DACH2: variants seen among roughly 807,000 people sequenced by gnomAD.
The protein encoded by DACH2 is dachshund family transcription factor 2.
Under a neutral mutation model 35.8 loss-of-function variants are expected in DACH2, and 17 were observed. The ratio of observed to expected loss-of-function variants is 0.48; its 90% CI spans 0.33 to 0.71. The LOEUF is 0.71. Among genes scored for constraint, DACH2 ranks in the 30% least tolerant of loss-of-function variants. The pLI is 0.02. For synonymous variants in DACH2, 195 were observed against 177.3 expected (o/e 1.10, Z -0.79); for missense variants, 469 against 472.7 (o/e 0.99, Z 0.07).
chrX:86,681,864 A>G (rs898121376), intron 4 of DACH2, among the ~76,000 whole-genome samples: 1 of 109,483 alleles, frequency 9.1e-6, no homozygotes, highest in Non-Finnish European at 1.9e-5. Context: ...TGTATGTTCT[A>G]TCCTTCTTTT....
chrX:86,442,645 C>G (rs2037188289), intron 2 of DACH2, among the ~76,000 whole-genome samples: 2 of 36,006 alleles, frequency 5.6e-5, no homozygotes, highest in Admixed American at 8.5e-4. Flanking sequence ...CATGAAGCAT[C>G]TCCCCAAGTT....
At chrX:86,418,216 T>G (rs753154019) in intron 2 of DACH2, among the ~76,000 whole-genome samples, 1 of 111,629 alleles carries the variant, frequency 9.0e-6, no homozygotes, top group East Asian at 2.9e-4. Context: ...AGGCGCACAA[T>G]GTAAGCTGTC....
chrX:86,338,920 A>G (rs1284334107), intron 1 of DACH2, among the ~76,000 whole-genome samples: 1 of 112,438 alleles, frequency 8.9e-6, no homozygotes, highest in Non-Finnish European at 1.9e-5. Flanking sequence ...AACTACCATC[A>G]GAGAATACTG....
At chrX:86,408,899 A>G (rs890764482) in intron 2 of DACH2, among the ~76,000 whole-genome samples, 1 of 111,706 alleles carries the variant, frequency 9.0e-6, no homozygotes, top group Admixed American at 9.5e-5. Flanking sequence ...TCAATGAATA[A>G]CTGTAAGGTA....
chrX:86,691,176 C>G (rs758055378), intron 4 of DACH2, among the ~76,000 whole-genome samples: 1 of 111,454 alleles, frequency 9.0e-6, no homozygotes, highest in Non-Finnish European at 1.9e-5. Flanking sequence ...AATTCCCTCA[C>G]AAAGCTAGTA....
At chrX:86,174,542 A>G (rs992164476) in intron 1 of DACH2, among the ~76,000 whole-genome samples, 21 of 112,192 alleles carry the variant, frequency 1.9e-4, no homozygotes, top group Non-Finnish European at 3.8e-4. Context: ...ATGGTCAGCA[A>G]ACATTTGTAG....
chrX:86,466,803 C>T (rs754844739), intron 2 of DACH2, among the ~76,000 whole-genome samples: 5 of 111,373 alleles, frequency 4.5e-5, no homozygotes, highest in African/African-American at 1.3e-4. Context: ...AGCTGCCAAG[C>T]CTTGAGGCTT....
chrX:86,341,486 C>A (rs1200661927), intron 1 of DACH2, among the ~76,000 whole-genome samples: 1 of 112,138 alleles, frequency 8.9e-6, no homozygotes, highest in East Asian at 2.8e-4. Flanking sequence ...TGTTCATTGA[C>A]AAAGCATCTG....
At chrX:86,778,801 G>A (rs1476601561) in intron 7 of DACH2, among the ~76,000 whole-genome samples, 1 of 110,856 alleles carries the variant, frequency 9.0e-6, no homozygotes, top group African/African-American at 3.3e-5. Context: ...AGTAGAGACG[G>A]GGTTTCACCA....
intron 3 of DACH2, among the ~76,000 whole-genome samples, chrX:86,623,219 A>G (rs763105620): frequency 8.9e-6 from 1 of 112,355 alleles, no homozygotes; most frequent in Non-Finnish European, 1.9e-5. Flanking sequence ...CCATATTTAT[A>G]AGCATACATA....
chrX:86,289,757 T>C (rs1602361983), intron 1 of DACH2, among the ~76,000 whole-genome samples: 1 of 109,783 alleles, frequency 9.1e-6, no homozygotes. Context: ...GAACTCATCA[T>C]TTTTTATGGC....
At chrX:86,262,403 C>T (rs917305091) in intron 1 of DACH2, among the ~76,000 whole-genome samples, 6 of 112,071 alleles carry the variant, frequency 5.4e-5, no homozygotes, top group African/African-American at 1.9e-4. Context: ...GAATCAATTG[C>T]ATTTCCATTT....
chrX:86,780,465 G>T lies in DACH2; in HGVS notation c.1241-32391G>T, dbSNP rs529880803. ...AATAAAAATATACAAGAGATGAAAT[G>T]CAAAATAGCCGTTTTAAGAAGGAAC... On this transcript the variant is annotated intron_variant, in intron 7 of 11. Transcript: ENST00000373125. Among the ~76,000 whole-genome samples, 7 of 112,038 alleles carry T rather than the reference G, an allele frequency of 6.2e-5. No individual in the cohort carries two copies. In the South Asian group the frequency reaches 2.2e-3, roughly 36 times the overall value.
intron 7 of DACH2, among the ~76,000 whole-genome samples, chrX:86,780,672 G>T (rs1454187578): frequency 9.0e-6 from 1 of 111,607 alleles, no homozygotes; most frequent in Non-Finnish European, 1.9e-5. Context: ...CTGTTCTCCA[G>T]ATTTCTGTTT....
intron 1 of DACH2, among the ~76,000 whole-genome samples, chrX:86,330,297 A>T (rs2035189092): frequency 8.9e-6 from 1 of 112,197 alleles, no homozygotes; most frequent in Non-Finnish European, 1.9e-5. Context: ...ATTAACTTAG[A>T]ATCATAAGGC....
At chrX:86,658,391 T>C (rs1239595753) in intron 4 of DACH2, among the ~76,000 whole-genome samples, 1 of 111,575 alleles carries the variant, frequency 9.0e-6, no homozygotes, top group Non-Finnish European at 1.9e-5. Context: ...TCAGTATCAT[T>C]AAGCTTTAAA....
chrX:86,256,567 A>C (rs1254232821), intron 1 of DACH2, among the ~76,000 whole-genome samples: 2 of 111,695 alleles, frequency 1.8e-5, no homozygotes, highest in Admixed American at 1.9e-4. Flanking sequence ...AACATACTGC[A>C]TCTGACTGAA....
intron 1 of DACH2, among the ~76,000 whole-genome samples, chrX:86,324,185 A>T (rs769659551): frequency 8.9e-6 from 1 of 111,939 alleles, no homozygotes; most frequent in East Asian, 2.8e-4. Flanking sequence ...TACACTGTCT[A>T]TCCAAATAAT....
At chrX:86,196,597 G>A (rs1430018579) in intron 1 of DACH2, among the ~76,000 whole-genome samples, 6 of 101,221 alleles carry the variant, frequency 5.9e-5, no homozygotes, top group Non-Finnish European at 1.2e-4. Context: ...GGAGGCTGAC[G>A]CAGGAGAATG....
Sources: allele counts gnomAD v4.1 joint callset (sites outside exome capture counted in the v4.1 genomes callset), GRCh38; gene constraint gnomAD v4.1.1; transcripts MANE v1.5; gene names NCBI Gene and HGNC (gene_info 2026-07-23, HGNC 2026-07-21).